Variants in NEB observed in about 807,000 individuals in gnomAD.
NEB encodes nebulin, also known as nemaline myopathy type 2.
NEB carries 512 observed loss-of-function variants against 952.2 expected under a neutral mutation model. That is an observed-to-expected ratio of 0.54 (90% CI 0.50 to 0.58). NEB has a LOEUF of 0.58. Ranked by LOEUF, NEB falls within the 20% of genes least tolerant of loss-of-function variation. NEB has a pLI of 0.00. For synonymous variants in NEB, 2,900 were observed against 3,149.8 expected, an observed-to-expected ratio of 0.92 and a Z score of 2.66; for missense variants, 8,428 against 9,231.1, an observed-to-expected ratio of 0.91 and a Z score of 3.56.
chr2:151,502,845 G>A lies in NEB; in HGVS notation c.23876C>T (p.Pro7959Leu). The change falls in exon 167 of 182, where the codon CCT (proline) becomes CTT (leucine). Residue 7959 changes from proline (P) to leucine (L), a missense_variant. Transcript: ENST00000397345. The part of the protein sequence containing the change: ...KENLGKGIPT[P>L]ITPEMERVKR... ...GACTCTCTCCATCTCTGGAGTGATA[G>A]GTGTTGGGATTCCTTTCCCCAAATT... is the stretch of plus-strand genomic sequence containing the variant. 1 of 1,608,376 alleles carries A rather than the reference G, an allele frequency of 6.2e-7. No homozygotes were observed. The highest frequency in any genetic ancestry group is 8.5e-7 in the Non-Finnish European group (1 of 1,177,506).
chr2:151,706,335 C>A (rs964549768), intron 13 of NEB, among the ~76,000 whole-genome samples: 2 of 152,064 alleles, frequency 1.3e-5, no homozygotes, highest in Admixed American at 1.3e-4. Context: ...ATCACATATT[C>A]AATCTCTCTC....
chr2:151,568,486 A>G (rs1012287792), intron 111 of NEB, 69 bp from the exon 112 acceptor site: 1 of 1,483,556 alleles, frequency 6.7e-7, no homozygotes, highest in Non-Finnish European at 9.4e-7. Flanking sequence ...TGTCCAAGCA[A>G]TTGTTAGCAT....
chr2:151,629,008 C>T (rs2098599108), intron 68 of NEB, among the ~76,000 whole-genome samples: 1 of 152,130 alleles, frequency 6.6e-6, no homozygotes, highest in Non-Finnish European at 1.5e-5. Context: ...TTCTTGTTTT[C>T]CTCGTCTTTG....
intron 145 of NEB, 130 bp downstream of exon 145, chr2:151,530,864 G>T (rs898193455): frequency 3.4e-5 from 21 of 616,208 alleles, no homozygotes; most frequent in Non-Finnish European, 5.5e-5. Flanking sequence ...CAAAAGAGAT[G>T]ACTATTATTT....
chr2:151,684,389 A>T lies in NEB; in HGVS notation c.2835+389T>A, dbSNP rs542392215. ...ATAGTAATCTATGTAAAAATCATTG[A>T]TAATGATGAATGTGATGATTATGAT... On this transcript the variant is annotated intron_variant, in intron 28 of 181. Coordinates refer to ENST00000397345, the MANE Select transcript of NEB (RefSeq NM_001164508.2). 1.6e-3 allele frequency among the ~76,000 whole-genome samples: 248 copies of T among 152,320 alleles called. 3 individuals are homozygous for T. The highest frequency in any genetic ancestry group is 6.8e-3 in the Middle Eastern group (2 of 294).
At chr2:151,491,830 G>T in intron 178 of NEB, 55 bp from the exon 179 acceptor site, 1 of 1,373,580 alleles carries the variant, frequency 7.3e-7, no homozygotes, top group South Asian at 1.3e-5. Context: ...CCAATAACTT[G>T]AAAACCAAGG....
In NEB at chr2:151,727,782, C is replaced by T. The variant is rs1014627144; in HGVS notation, c.203G>A (p.Arg68Lys). 1.3e-5 allele frequency: 21 copies of T among 1,613,528 alleles called. No individual in the cohort carries two copies. Among genetic ancestry groups the T allele is most frequent in the Middle Eastern group, 1.6e-4 (1 of 6,078 alleles). ...CACTTTCTTCCGGATGACCTTCCTC[C>T]TCTCCACCGGCTTTGCTGATGCTGG... ...AQPASAKPVERRKVIRKKVDP... is the reference protein window; with the variant it reads ...AQPASAKPVEKRKVIRKKVDP... Residue 68 changes from arginine to lysine, a missense_variant, in exon 5 of 182, where the codon AGG (arginine) becomes AAG (lysine). Physicochemically the swap from Arg to Lys is conservative, Grantham distance 26. Coordinates refer to ENST00000397345, the MANE Select transcript of NEB (RefSeq NM_001164508.2).
intron 40 of NEB, 25 bp from the exon 41 acceptor site, chr2:151,666,426 G>A: frequency 6.2e-7 from 1 of 1,602,170 alleles, no homozygotes; most frequent in Non-Finnish European, 8.5e-7. Context: ...AGGGCAAACA[G>A]AAGTTGGCTA....
chr2:151,701,646 T>C (rs2099670611), intron 13 of NEB, among the ~76,000 whole-genome samples: 1 of 151,674 alleles, frequency 6.6e-6, no homozygotes, highest in South Asian at 2.1e-4. Flanking sequence ...TTCTAGTTTA[T>C]TTGCGTAGAG....
chr2:151,640,237 G>C, intron 61 of NEB, 118 bp downstream of exon 61: 1 of 1,499,052 alleles, frequency 6.7e-7, no homozygotes, highest in South Asian at 1.3e-5. Context: ...TGTCGATAAA[G>C]GCAATGCTAT....
chr2:151,644,081 C>A lies in NEB; in HGVS notation c.7693G>T (p.Ala2565Ser), dbSNP rs770771625. 6 of 1,613,858 alleles carry A rather than the reference C, an allele frequency of 3.7e-6. No homozygotes were observed. Among genetic ancestry groups the A allele is most frequent in the Non-Finnish European group, 5.1e-6 (6 of 1,179,896 alleles). The change falls in exon 57 of 182, where the codon GCC becomes TCC. Residue 2565 changes from alanine to serine, a missense_variant. Physicochemically the swap from Ala to Ser is moderately conservative, Grantham distance 99. This residue lies in a region of NEB where 1,772 missense variants were observed against 1,960.3 expected (regional missense o/e 0.90). Coordinates refer to ENST00000397345, the MANE Select transcript of NEB (RefSeq NM_001164508.2). ...FRKQLGHHIG[A>S]RNIEDDPKMM... Reference sequence around the variant, plus strand: ...TTGGGGTCATCTTCAATGTTCCGGGCACCAATGTGGTGGCCGAGCTGCTTG... The same window carrying A: ...TTGGGGTCATCTTCAATGTTCCGGGAACCAATGTGGTGGCCGAGCTGCTTG...
chr2:151,554,099 G>A, intron 125 of NEB, 74 bp from the exon 126 acceptor site: 2 of 1,430,162 alleles, frequency 1.4e-6, no homozygotes, highest in Middle Eastern at 1.8e-4. Context: ...TGAGAAGTCA[G>A]GCTAACCAAC....
chr2:151,637,312 A>G (rs1483967256), intron 63 of NEB, among the ~76,000 whole-genome samples: 1 of 152,212 alleles, frequency 6.6e-6, no homozygotes, highest in Non-Finnish European at 1.5e-5. Flanking sequence ...CATCAAGTGC[A>G]GAGGAAATCA....
chr2:151,723,493 C>T lies in NEB; in HGVS notation c.613-7G>A, dbSNP rs1407675211. ...AGTCTTCAGTGTACAGTTTCTAAAT[C>T]AAAAAAGAGTGAAAAGTTAGGAGGA... On this transcript the variant is annotated splice_region_variant and splice_polypyrimidine_tract_variant and intron_variant, in intron 8 of 181. Transcript: ENST00000397345. 4 of 1,587,826 alleles carry T rather than the reference C, an allele frequency of 2.5e-6. No individual in the cohort carries two copies. Among genetic ancestry groups the T allele is most frequent in the Non-Finnish European group, 3.4e-6 (4 of 1,163,496 alleles).
At position 151,663,348 on chromosome 2, in the gene NEB, G is replaced by T. The variant is rs184153548; in HGVS notation, c.5763+200C>A. Among the ~76,000 whole-genome samples the T allele has an allele frequency of 5.9e-5, 9 of 152,268 alleles. No individual in the cohort carries two copies. In the East Asian group the frequency reaches 1.5e-3, roughly 26 times the overall value. On this transcript the variant is annotated intron_variant, in intron 45 of 181. Transcript: ENST00000397345. ...TCCAACAATGCTCCCAGCAACAATA[G>T]TAGAAAACAAGACTTTAGTTTCTAG...
chr2:151,672,248 T>C, intron 37 of NEB, 121 bp downstream of exon 37: 2 of 971,102 alleles, frequency 2.1e-6, no homozygotes, highest in South Asian at 4.4e-5. Flanking sequence ...CTTTCAGTAA[T>C]GGTTGTTTAT....
At chr2:151,625,313 G>C (rs1396903722) in intron 71 of NEB, among the ~76,000 whole-genome samples, 1 of 152,020 alleles carries the variant, frequency 6.6e-6, no homozygotes, top group Non-Finnish European at 1.5e-5. Context: ...CTGAAATGAA[G>C]ATATTTTTGT....
At chr2:151,532,951 G>C (rs1041344843) in intron 143 of NEB, among the ~76,000 whole-genome samples, 6 of 151,990 alleles carry the variant, frequency 3.9e-5, no homozygotes, top group African/African-American at 1.4e-4. Flanking sequence ...AAATAACCTA[G>C]CAATTCAGCA....
rs1576637428 is a variant in NEB, at chr2:151,695,689, C to G, written c.1570-7G>C. On this transcript the variant is annotated splice_region_variant and splice_polypyrimidine_tract_variant and intron_variant, in intron 17 of 181. Coordinates refer to ENST00000397345, the MANE Select transcript of NEB (RefSeq NM_001164508.2). ...GTTTTGCTTTGTAATTTAACTATGA[C>G]AGAGAGAGAACCAATTAGTTCAGAA... 1.9e-6 allele frequency: 3 copies of G among 1,594,066 alleles called. No individual in the cohort carries two copies. The South Asian group carries it at 3.3e-5, about 18-fold the overall frequency.
Sources: allele counts gnomAD v4.1 joint callset (sites outside exome capture counted in the v4.1 genomes callset), GRCh38; gene constraint gnomAD v4.1.1; regional missense constraint gnomAD v4.1.1; transcripts MANE v1.5; gene names NCBI Gene and HGNC (gene_info 2026-07-23, HGNC 2026-07-21).